ARPC4: variants seen among roughly 807,000 people sequenced by gnomAD.
ARPC4 encodes the protein actin related protein 2/3 complex subunit 4.
Under a neutral mutation model 22.8 loss-of-function variants are expected in ARPC4, and 3 were observed. The observed-to-expected ratio is 0.13, with a 90% CI of 0.06 to 0.34. The LOEUF is 0.34. ARPC4 is among the 10% of genes least tolerant of loss of function. ARPC4 has a pLI of 1.00. For missense variants in ARPC4, 98 were observed against 211.0 expected (o/e 0.46, Z 3.32); for synonymous variants, 80 against 72.5 (o/e 1.10, Z -0.52).
chr3:9,794,534 G>A (rs891127155), intron 1 of ARPC4, among the ~76,000 whole-genome samples: 52 of 152,074 alleles, frequency 3.4e-4, no homozygotes, highest in Non-Finnish European at 1.2e-4. Context: ...GCTGGGTATG[G>A]TGGCATGCGC....
intron 5 of ARPC4, 189 bp downstream of exon 5, chr3:9,804,202 C>A (rs1246776477): frequency 1.8e-6 from 1 of 554,254 alleles, no homozygotes; most frequent in Non-Finnish European, 3.1e-6. Flanking sequence ...TCTCTGAGAG[C>A]TACAAGGCAT....
At chr3:9,793,070 G>A, upstream of ARPC4, 1 of 1,545,086 alleles carries the variant, frequency 6.5e-7, no homozygotes, top group Non-Finnish European at 8.7e-7. Flanking sequence ...GGCAGGCATC[G>A]CGGGGCTGGC....
At position 9,797,864 on chromosome 3, in the gene ARPC4, G is replaced by A. The variant is rs188343158; in HGVS notation, c.122+87G>A. 1.1e-5 allele frequency: 14 copies of A among 1,331,010 alleles called. No homozygotes were observed. The East Asian group carries it at 2.7e-4, about 26-fold the overall frequency. The allele number at this position is 1,331,010 out of a possible 1,614,324, so 82.4% of individuals were successfully genotyped here. The stretch of plus-strand genomic sequence containing the variant: ...AGAAGGTGCCATGAACTTATGTCCT[G>A]CAGTAGTCAGGAAAGCTGCAGTTGA... On this transcript the variant is annotated intron_variant, in intron 2 of 5. Transcript: ENST00000397261.
At chr3:9,792,786 G>A (rs1180160729), upstream of ARPC4, 2 of 1,261,160 alleles carry the variant, frequency 1.6e-6, no homozygotes, top group Non-Finnish European at 2.0e-6. Flanking sequence ...TCCTAATTTG[G>A]TGCCCAATCT....
At chr3:9,794,315 C>T (rs2078830935) in intron 1 of ARPC4, among the ~76,000 whole-genome samples, 3 of 151,968 alleles carry the variant, frequency 2.0e-5, no homozygotes, top group African/African-American at 7.3e-5. Flanking sequence ...CTGGCTAACA[C>T]GGTGAAACCT....
At chr3:9,796,470 GTCTC>G (rs1458501267) in intron 1 of ARPC4, among the ~76,000 whole-genome samples, 1 of 152,136 alleles carries the variant, frequency 6.6e-6, no homozygotes, top group Non-Finnish European at 1.5e-5. Flanking sequence ...GGATGTCAAG[GTCTC>G]TCTCAAGAGG....
intron 2 of ARPC4, among the ~76,000 whole-genome samples, chr3:9,799,047 G>T (rs1251721281): frequency 6.6e-6 from 1 of 152,118 alleles, no homozygotes; most frequent in East Asian, 1.9e-4. Context: ...ATTTCCAGTG[G>T]GCCTTTGAAA....
At position 9,804,267 on chromosome 3, in the gene ARPC4, C is replaced by T; in HGVS notation, c.501+254C>T. The T allele has an allele frequency of 7.7e-6, 3 of 388,248 alleles. No homozygotes were observed. The South Asian group carries it at 1.6e-4, about 21-fold the overall frequency. The allele number at this position is 388,248 out of a possible 1,614,324, so 24.1% of individuals were successfully genotyped here. A position where few individuals can be genotyped will look rare whatever the true frequency, so the allele number is the denominator to read the frequency against. Reference sequence around the variant, plus strand: ...TTAGTCTCTCGTAGGAACTTGGTCACTCATTTCTACATCTCAGGATGTTCA... The same window carrying T: ...TTAGTCTCTCGTAGGAACTTGGTCATTCATTTCTACATCTCAGGATGTTCA... On this transcript the variant is annotated intron_variant, in intron 5 of 5. Coordinates refer to ENST00000397261, the MANE Select transcript of ARPC4 (RefSeq NM_005718.5).
At chr3:9,805,155 A>C (rs1226706376) in intron 5 of ARPC4, among the ~76,000 whole-genome samples, 1 of 152,202 alleles carries the variant, frequency 6.6e-6, no homozygotes, top group East Asian at 1.9e-4. Flanking sequence ...TTCCAATTGA[A>C]TATTTGGCTC....
intron 2 of ARPC4, among the ~76,000 whole-genome samples, chr3:9,798,642 G>A (rs1012230050): frequency 1.3e-5 from 2 of 152,114 alleles, no homozygotes; most frequent in South Asian, 2.1e-4. Flanking sequence ...TTGGGAGGCC[G>A]AGGCAGACAG....
intron 3 of ARPC4, among the ~76,000 whole-genome samples, chr3:9,801,056 C>CA (rs1398671413): frequency 6.6e-6 from 1 of 151,234 alleles, no homozygotes; most frequent in African/African-American, 2.4e-5. Flanking sequence ...ACTAAAAATA[C>CA]AGAAATTAGC....
At chr3:9,794,966 T>C (rs1226891619) in intron 1 of ARPC4, among the ~76,000 whole-genome samples, 1 of 152,190 alleles carries the variant, frequency 6.6e-6, no homozygotes, top group African/African-American at 2.4e-5. Context: ...CAAGTAGTAG[T>C]TAATTGAATG....
rs753785485 is a variant in ARPC4, at chr3:9,800,312, A to T, written c.234+16A>T. On this transcript the variant is annotated intron_variant, in intron 3 of 5. Coordinates refer to ENST00000397261, the MANE Select transcript of ARPC4 (RefSeq NM_005718.5). ...TGTGAAACAGGTAAGTTCACCATGG[A>T]GGAGGCCCAACGTAAGGCCTCTTTC... 1 of 1,613,480 alleles carries T rather than the reference A, an allele frequency of 6.2e-7. No homozygotes were observed. Among genetic ancestry groups the T allele is most frequent in the Non-Finnish European group, 8.5e-7 (1 of 1,179,610 alleles).
upstream of ARPC4, chr3:9,793,044 G>A (rs184478701): frequency 8.1e-4 from 1,250 of 1,543,424 alleles, 9 homozygotes; most frequent in East Asian, 0.019. Flanking sequence ...GACCGTAGCT[G>A]CGCTTCTCGC....
At position 9,799,541 on chromosome 3, in the gene ARPC4, C is replaced by T. The variant is rs562111064; in HGVS notation, c.123-644C>T. Among the ~76,000 whole-genome samples the T allele has an allele frequency of 2.0e-5, 3 of 151,710 alleles. No individual in the cohort carries two copies. In the East Asian group the frequency reaches 5.8e-4, roughly 29 times the overall value. ...CACTGCAACTGCCACCTCCTGAGTT[C>T]GAGCAATTCTCGTGCTTCAGCCTCC... On this transcript the variant is annotated intron_variant, in intron 2 of 5. Transcript: ENST00000397261.
Position 9,793,141 on chromosome 3 carries a change from C to A in ARPC4, c.3+17C>A, listed in dbSNP as rs575778196. 7.1e-6 allele frequency: 11 copies of A among 1,541,142 alleles called. No homozygotes were observed. The highest frequency in any genetic ancestry group is 2.4e-5 in the South Asian group (2 of 83,748). ...CCCGCGATGGTGAGAGAGCCGGGCC[C>A]CCGGCCAGGGACCCCCGGCTGTTCG... On this transcript the variant is annotated intron_variant, in intron 1 of 5. Coordinates refer to ENST00000397261, the MANE Select transcript of ARPC4 (RefSeq NM_005718.5).
At chr3:9,793,165 C>T in intron 1 of ARPC4, 41 bp downstream of exon 1, 2 of 1,534,510 alleles carry the variant, frequency 1.3e-6, no homozygotes, top group South Asian at 1.2e-5. Flanking sequence ...CCCGGCTGTT[C>T]GGCCTCAGGG....
At chr3:9,793,051 T>A, upstream of ARPC4, 1 of 1,544,294 alleles carries the variant, frequency 6.5e-7, no homozygotes, top group Non-Finnish European at 8.7e-7. Flanking sequence ...GCTGCGCTTC[T>A]CGCGAAAGGG....
chr3:9,798,370 G>C (rs1266439802), intron 2 of ARPC4, among the ~76,000 whole-genome samples: 3 of 151,972 alleles, frequency 2.0e-5, no homozygotes, highest in Non-Finnish European at 4.4e-5. Flanking sequence ...GATCGCTTGA[G>C]TACAGGAGTT....
Sources: gnomAD v4.1 joint callset for allele counts (sites outside exome capture counted in the v4.1 genomes callset) on GRCh38, gnomAD v4.1.1 for gene constraint, MANE v1.5 for transcripts, NCBI Gene and HGNC (gene_info 2026-07-23, HGNC 2026-07-21) for gene names.